LDLRAD4: variants seen among roughly 807,000 people sequenced by gnomAD.
The protein encoded by LDLRAD4 is low density lipoprotein receptor class A domain containing 4, also known as low-density lipoprotein receptor class A domain-containing protein 4.
Under a neutral mutation model 17.0 loss-of-function variants are expected in LDLRAD4, and 5 were observed. The ratio of observed to expected loss-of-function variants is 0.29; its 90% CI spans 0.15 to 0.62. LDLRAD4 has a LOEUF of 0.62. LDLRAD4 is among the 20% of genes least tolerant of loss of function. The probability of loss-of-function intolerance (pLI) is 0.84; values close to 1 mark genes in which losing one functional copy is unlikely to be tolerated. For missense variants in LDLRAD4, 340 were observed against 424.7 expected (o/e 0.80, Z 1.75); for synonymous variants, 168 against 171.8 (o/e 0.98, Z 0.17).
intron 3 of LDLRAD4, chr18:13,615,405 G>T (rs868501939): frequency 6.6e-6 from 1 of 152,354 alleles, no homozygotes; most frequent in South Asian, 2.1e-4. Context: ...ATGGAAGATG[G>T]TGTTAACCAT....
At chr18:13,346,594 T>C (rs8095003) in intron 1 of LDLRAD4, among the ~76,000 whole-genome samples, 152,106 of 152,144 alleles carry the variant, frequency 1, 76,034 homozygotes, top group Middle Eastern at 1. Context: ...CTATTAGGTC[T>C]GCTTGGTACA....
intron 1 of LDLRAD4, among the ~76,000 whole-genome samples, chr18:13,386,682 C>T (rs755520522): frequency 6.6e-6 from 1 of 152,178 alleles, no homozygotes; most frequent in Non-Finnish European, 1.5e-5. Flanking sequence ...ACATATGGAG[C>T]AGTTTATAGA....
intron 1 of LDLRAD4, among the ~76,000 whole-genome samples, chr18:13,267,554 A>G (rs2044289464): frequency 6.6e-6 from 1 of 152,228 alleles, no homozygotes; most frequent in Admixed American, 6.5e-5. Flanking sequence ...TGGTGTTTGC[A>G]TGTATGAGAT....
At chr18:13,372,726 C>A (rs1030959995) in intron 1 of LDLRAD4, among the ~76,000 whole-genome samples, 1 of 152,124 alleles carries the variant, frequency 6.6e-6, no homozygotes, top group African/African-American at 2.4e-5. Context: ...GGGTATGGTC[C>A]GGTACTCAGC....
At chr18:13,405,246 G>A (rs1042751826) in intron 2 of LDLRAD4, among the ~76,000 whole-genome samples, 2 of 152,114 alleles carry the variant, frequency 1.3e-5, no homozygotes, top group Non-Finnish European at 2.9e-5. Context: ...ACTTCAAGAA[G>A]TAGGTATTGA....
chr18:13,635,350 C>T (rs1476606400), intron 4 of LDLRAD4, among the ~76,000 whole-genome samples: 1 of 152,154 alleles, frequency 6.6e-6, no homozygotes, highest in Non-Finnish European at 1.5e-5. Flanking sequence ...GAGGACTCCA[C>T]CCTCATTACC....
chr18:13,329,043 T>C (rs1322648545), intron 1 of LDLRAD4, among the ~76,000 whole-genome samples: 1 of 152,230 alleles, frequency 6.6e-6, no homozygotes, highest in African/African-American at 2.4e-5. Flanking sequence ...TAGTTTTGAC[T>C]GGATTGAATG....
intron 3 of LDLRAD4, among the ~76,000 whole-genome samples, chr18:13,446,189 C>T (rs1012132182): frequency 6.6e-6 from 1 of 152,144 alleles, no homozygotes; most frequent in African/African-American, 2.4e-5. Flanking sequence ...CTAGAAAGGT[C>T]ATAAGAATGC....
chr18:13,583,790 G>A (rs1288035312), intron 3 of LDLRAD4, among the ~76,000 whole-genome samples: 2 of 152,072 alleles, frequency 1.3e-5, no homozygotes, highest in Admixed American at 6.5e-5. Context: ...CACTGCTGGC[G>A]GAGTCTTATT....
chr18:13,511,829 A>G (rs1445310975), intron 3 of LDLRAD4, among the ~76,000 whole-genome samples: 1 of 152,186 alleles, frequency 6.6e-6, no homozygotes, highest in African/African-American at 2.4e-5. Context: ...TAAAACAAAG[A>G]GAAGACCTTG....
At chr18:13,356,010 G>A (rs2083315076) in intron 1 of LDLRAD4, among the ~76,000 whole-genome samples, 1 of 152,244 alleles carries the variant, frequency 6.6e-6, no homozygotes, top group African/African-American at 2.4e-5. Flanking sequence ...AGGCCATATA[G>A]GAGCAGGGGA....
At chr18:13,569,021 T>G (rs578024322) in intron 3 of LDLRAD4, among the ~76,000 whole-genome samples, 202 of 152,314 alleles carry the variant, frequency 1.3e-3, no homozygotes, top group Non-Finnish European at 2.1e-3. Context: ...ATAAACATTT[T>G]ATGAATGAGT....
chr18:13,609,523 G>C (rs1011751982), intron 3 of LDLRAD4, among the ~76,000 whole-genome samples: 1 of 69,032 alleles, frequency 1.4e-5, no homozygotes, highest in African/African-American at 4.7e-5. Flanking sequence ...TTATGCGTGT[G>C]TGTGTGCGTG....
At chr18:13,500,435 G>C (rs2093594267) in intron 3 of LDLRAD4, among the ~76,000 whole-genome samples, 1 of 152,206 alleles carries the variant, frequency 6.6e-6, no homozygotes, top group South Asian at 2.1e-4. Context: ...GCTCCCCGGG[G>C]CCCAGTTTTG....
chr18:13,288,783 C>T lies in LDLRAD4; in HGVS notation c.-383+10595C>T, dbSNP rs576835177. On this transcript the variant is annotated intron_variant, in intron 1 of 5. Transcript: ENST00000359446. ...GGGCCACGGTAGCAGCCCTGCAGAC[C>T]GTGGTCACTCTGCAAGGTGAGTCAC... Among the ~76,000 whole-genome samples the T allele has an allele frequency of 2.1e-5, 3 of 144,762 alleles. 1 individual carries two copies. The Admixed American group carries it at 2.1e-4, about 10-fold the overall frequency. 95.0% of individuals were successfully genotyped at this position (144,762 alleles called of 152,430 possible).
chr18:13,270,627 G>A (rs147899142), intron 1 of LDLRAD4, among the ~76,000 whole-genome samples: 1 of 152,338 alleles, frequency 6.6e-6, no homozygotes, highest in African/African-American at 2.4e-5. Flanking sequence ...GATGGGGTGA[G>A]TTCTGTTTGG....
In LDLRAD4 at chr18:13,428,282, C is replaced by T. The variant is rs79433640; in HGVS notation, c.41-9962C>T. 5.3e-3 allele frequency among the ~76,000 whole-genome samples: 801 copies of T among 152,038 alleles called. 15 individuals carry two copies. The highest frequency in any genetic ancestry group is 0.052 in the East Asian group (270 of 5,170). On this transcript the variant is annotated intron_variant, in intron 2 of 5. Transcript: ENST00000359446. ...GGCCACGGCGATGGTGATGTTTGCA[C>T]GAAGGCCTGATGAAAGTGAGGGAGT...
chr18:13,615,554 C>T (rs1322395967), intron 3 of LDLRAD4: 1 of 152,182 alleles, frequency 6.6e-6, no homozygotes, highest in Non-Finnish European at 1.5e-5. Flanking sequence ...GGGAAGAGAC[C>T]GACAGACTTC....
intron 2 of LDLRAD4, among the ~76,000 whole-genome samples, chr18:13,404,493 G>A (rs908709102): frequency 2.0e-5 from 3 of 152,118 alleles, no homozygotes; most frequent in Admixed American, 6.5e-5. Context: ...TTTTATTGTC[G>A]TTAAAAATTT....
Sources: gnomAD v4.1 joint callset for allele counts (sites outside exome capture counted in the v4.1 genomes callset) on GRCh38, gnomAD v4.1.1 for gene constraint, MANE v1.5 for transcripts, NCBI Gene and HGNC (gene_info 2026-07-23, HGNC 2026-07-21) for gene names.